The following CCNY variants were observed in gnomAD, a reference collection of about 807,000 sequenced individuals.
CCNY encodes cyclin Y.
CCNY carries 19 observed loss-of-function variants against 42.8 expected under a neutral mutation model. The ratio of observed to expected loss-of-function variants is 0.44; its 90% CI spans 0.31 to 0.65. The LOEUF (loss-of-function observed/expected upper bound fraction) is 0.65, where lower values mean the gene tolerates loss of function less well. CCNY is among the 30% of genes least tolerant of loss of function. The pLI, the probability that CCNY is intolerant of heterozygous loss-of-function variation, is 0.07. For synonymous variants in CCNY, 165 were observed against 162.7 expected (o/e 1.01, Z -0.11); for missense variants, 370 against 437.3 (o/e 0.85, Z 1.37).
At chr10:35,325,769 C>T (rs574821976) in intron 3 of CCNY, among the ~76,000 whole-genome samples, 1 of 152,218 alleles carries the variant, frequency 6.6e-6, no homozygotes, top group South Asian at 2.1e-4. Flanking sequence ...TGCGCTTGGC[C>T]CCCCTTTCAT....
chr10:35,480,095 G>T (rs373687360), intron 1 of CCNY, among the ~76,000 whole-genome samples: 1 of 151,850 alleles, frequency 6.6e-6, no homozygotes, highest in African/African-American at 2.4e-5. Flanking sequence ...CACCTCATCC[G>T]TGAATTTCAC....
chr10:35,317,722 G>T (rs1835776460), intron 3 of CCNY, among the ~76,000 whole-genome samples: 1 of 152,190 alleles, frequency 6.6e-6, no homozygotes, highest in South Asian at 2.1e-4. Flanking sequence ...TCCTAAGTGT[G>T]TGCGCTCCCA....
At chr10:35,414,097 T>C (rs1837972477) in intron 1 of CCNY, among the ~76,000 whole-genome samples, 1 of 152,202 alleles carries the variant, frequency 6.6e-6, no homozygotes, top group African/African-American at 2.4e-5. Context: ...TTCCTTGCTG[T>C]GTAACAAGTT....
At chr10:35,472,831 T>C (rs781632283) in intron 1 of CCNY, among the ~76,000 whole-genome samples, 3 of 152,212 alleles carry the variant, frequency 2.0e-5, no homozygotes, top group Non-Finnish European at 4.4e-5. Flanking sequence ...TGCTTTCTTA[T>C]GACCATGAAA....
At chr10:35,348,251 A>G (rs557245521) in intron 1 of CCNY, among the ~76,000 whole-genome samples, 1 of 152,300 alleles carries the variant, frequency 6.6e-6, no homozygotes, top group East Asian at 1.9e-4. Context: ...TTCGACTCCC[A>G]CTTTTCTGTA....
At chr10:35,338,558 T>G (rs1318191918) in intron 1 of CCNY, among the ~76,000 whole-genome samples, 1 of 152,206 alleles carries the variant, frequency 6.6e-6, no homozygotes, top group African/African-American at 2.4e-5. Flanking sequence ...GCCAGATCGG[T>G]CTTGATCACT....
chr10:35,429,962 C>T (rs886955093), intron 1 of CCNY, among the ~76,000 whole-genome samples: 1 of 152,130 alleles, frequency 6.6e-6, no homozygotes, highest in Non-Finnish European at 1.5e-5. Flanking sequence ...GAAAGAACAG[C>T]TTTGGAACAT....
At chr10:35,387,540 A>G (rs1203532732) in intron 1 of CCNY, among the ~76,000 whole-genome samples, 1 of 152,226 alleles carries the variant, frequency 6.6e-6, no homozygotes, top group Non-Finnish European at 1.5e-5. Context: ...GGAGGATGCC[A>G]GGGGATAATG....
chr10:35,535,018 TG>T (rs1840855027), intron 7 of CCNY, among the ~76,000 whole-genome samples: 5 of 148,210 alleles, frequency 3.4e-5, no homozygotes, highest in Non-Finnish European at 7.5e-5. Context: ...TGTGTGTGTG[TG>T]TGTGTGTGTG....
chr10:35,251,741 A>T (rs1458339195), intron 3 of CCNY, among the ~76,000 whole-genome samples: 8 of 152,068 alleles, frequency 5.3e-5, no homozygotes, highest in Non-Finnish European at 1.0e-4. Flanking sequence ...GGCATGAGCC[A>T]CCACTCCTGG....
At chr10:35,464,588 TTG>T (rs1417281315) in intron 1 of CCNY, among the ~76,000 whole-genome samples, 2 of 151,784 alleles carry the variant, frequency 1.3e-5, no homozygotes, top group Non-Finnish European at 2.9e-5. Flanking sequence ...AAATTAACCC[TTG>T]TGTCTTTGGT....
rs564199865 is a variant in CCNY, at chr10:35,453,318, TA to T, written c.155-30081del. On this transcript the variant is annotated intron_variant, in intron 1 of 9. Coordinates refer to ENST00000374704, the MANE Select transcript of CCNY (RefSeq NM_145012.6). ...AATTACAAATGTATTGAACTGTTTATAAAAACTATTGATTATTATTTTTGAT... is the reference window on the plus strand; with the variant it reads ...AATTACAAATGTATTGAACTGTTTATAAAACTATTGATTATTATTTTTGAT... Among the ~76,000 whole-genome samples the T allele has an allele frequency of 3.6e-3, 545 of 152,374 alleles. 2 individuals carry two copies. Among genetic ancestry groups the T allele is most frequent in the African/African-American group, 0.013 (524 of 41,588 alleles).
chr10:35,547,186 G>A (rs984446284), intron 7 of CCNY, among the ~76,000 whole-genome samples: 2 of 152,150 alleles, frequency 1.3e-5, no homozygotes, highest in Admixed American at 6.5e-5. Flanking sequence ...TTTATCTGAA[G>A]AGTTACGATG....
chr10:35,270,220 A>G (rs1315771665), intron 3 of CCNY, among the ~76,000 whole-genome samples: 2 of 152,094 alleles, frequency 1.3e-5, no homozygotes, highest in African/African-American at 4.8e-5. Flanking sequence ...ACTCCCTCCA[A>G]CAAGCCCTTT....
intron 2 of CCNY, among the ~76,000 whole-genome samples, chr10:35,499,306 A>C (rs1840064446): frequency 6.6e-6 from 1 of 152,174 alleles, no homozygotes; most frequent in South Asian, 2.1e-4. Flanking sequence ...GGCAGAGAAG[A>C]GAAGAGGGCT....
chr10:35,564,515 C>A (rs1458220255), intron 8 of CCNY, among the ~76,000 whole-genome samples: 1 of 152,156 alleles, frequency 6.6e-6, no homozygotes, highest in South Asian at 2.1e-4. Context: ...CCGGGAACAG[C>A]CATAGGGGTC....
chr10:35,414,162 G>C (rs1837974186), intron 1 of CCNY, among the ~76,000 whole-genome samples: 1 of 152,212 alleles, frequency 6.6e-6, no homozygotes, highest in South Asian at 2.1e-4. Context: ...CAGTTTCTGT[G>C]GGGCATGAGT....
At chr10:35,265,528 T>C (rs1476497214) in intron 3 of CCNY, among the ~76,000 whole-genome samples, 1 of 152,234 alleles carries the variant, frequency 6.6e-6, no homozygotes, top group Non-Finnish European at 1.5e-5. Context: ...TGGAGGCCTC[T>C]TGCCTGCAGT....
intron 3 of CCNY, among the ~76,000 whole-genome samples, chr10:35,269,592 G>A (rs1049297996): frequency 1.3e-5 from 2 of 148,474 alleles, no homozygotes; most frequent in African/African-American, 5.0e-5. Context: ...GGCATGAGCC[G>A]CTGTGCCCAG....
Sources: gnomAD v4.1 joint callset for allele counts (sites outside exome capture counted in the v4.1 genomes callset) on GRCh38, gnomAD v4.1.1 for gene constraint, MANE v1.5 for transcripts, NCBI Gene and HGNC (gene_info 2026-07-23, HGNC 2026-07-21) for gene names.